Variants in MFSD2A observed in about 807,000 individuals in gnomAD.
MFSD2A encodes the protein sodium-dependent lysophosphatidylcholine symporter 1.
A neutral mutation model predicts 64.7 loss-of-function variants in MFSD2A; 27 were observed. The ratio of observed to expected loss-of-function variants is 0.42; its 90% CI spans 0.31 to 0.58. The LOEUF (loss-of-function observed/expected upper bound fraction) is 0.58. Among genes scored for constraint, MFSD2A ranks in the 20% least tolerant of loss-of-function variants. The pLI is 0.18. For missense variants in MFSD2A, 474 were observed against 679.5 expected, an observed-to-expected ratio of 0.70 and a Z score of 3.36; for synonymous variants, 258 against 273.4, an observed-to-expected ratio of 0.94 and a Z score of 0.55.
rs998523052 is a variant in MFSD2A at position 39,968,069 on chromosome 1, A to G, written c.1208+153A>G. On this transcript the variant is annotated intron_variant, in intron 11 of 13. Transcript: ENST00000372811. This position sits in a 1 kb window ranked among gnomAD's most constrained non-coding sequence, Gnocchi z 4.4. Reference sequence around the variant, plus strand: ...GGAGGTCTGTCCTGTACAGTTGTACAGGTAGTGAGCTTTGCAAGAACACCT... The same window carrying G: ...GGAGGTCTGTCCTGTACAGTTGTACGGGTAGTGAGCTTTGCAAGAACACCT... 1.4e-5 allele frequency: 9 copies of G among 640,192 alleles called. No individual in the cohort carries two copies. The highest frequency in any genetic ancestry group is 2.4e-5 in the Non-Finnish European group (9 of 371,770). 39.7% of individuals were successfully genotyped at this position (640,192 alleles called of 1,614,324 possible). A position where few individuals can be genotyped will look rare whatever the true frequency, so the allele number is the denominator to read the frequency against.
At position 39,968,490 on chromosome 1, in the gene MFSD2A, G is replaced by C. The variant is rs1336214793; in HGVS notation, c.1352+13G>C. 3 of 1,614,154 alleles carry C rather than the reference G, an allele frequency of 1.9e-6. No individual in the cohort carries two copies. In the South Asian group the frequency reaches 3.3e-5, roughly 18 times the overall value. ...CCCTCAGTCTGGAGTGAGTGGGGTG[G>C]GGACCTGGGGCAGGACTGGGCAGGG... On this transcript the variant is annotated intron_variant, in intron 12 of 13. Transcript: ENST00000372811. The surrounding 1 kb of genome is among the most constrained non-coding windows in gnomAD (Gnocchi z 4.4).
At position 39,964,697 on chromosome 1, in the gene MFSD2A, G is replaced by GGTGTGTGTGAATGGGGTGT. The variant is rs1287696086; in HGVS notation, c.354-500_354-482dup. 6.3e-6 allele frequency: 1 copy of GGTGTGTGTGAATGGGGTGT among 158,280 alleles called. No homozygotes were observed. The highest frequency in any genetic ancestry group is 2.4e-5 in the African/African-American group (1 of 41,052). 9.8% of individuals were successfully genotyped at this position (158,280 alleles called of 1,614,324 possible). A position where few individuals can be genotyped will look rare whatever the true frequency, so the allele number is the denominator to read the frequency against. On this transcript the variant is annotated intron_variant, in intron 3 of 13. Coordinates refer to ENST00000372811, the MANE Select transcript of MFSD2A (RefSeq NM_032793.5). This position sits in a 1 kb window ranked among gnomAD's most constrained non-coding sequence, Gnocchi z 4.1. ...TGTGTGAAGTGTGTATGTGAATGGG[G>GGTGTGTGTGAATGGGGTGT]GTGTGTGTGAATGGGGTGTGTGTGT...
rs2124758557 is a variant in MFSD2A, at chr1:39,958,629, C to T, written c.229-72C>T. On this transcript the variant is annotated intron_variant, in intron 2 of 13. Transcript: ENST00000372811. This position sits in a 1 kb window ranked among gnomAD's most constrained non-coding sequence, Gnocchi z 4.7. ...GGCTGAGATAGGGAGGGAGCCTCTG[C>T]TTCTGCCTACCAGTGAGAGTTGAGG... 2 of 1,613,786 alleles carry T rather than the reference C, an allele frequency of 1.2e-6. No individual in the cohort carries two copies. Among genetic ancestry groups the T allele is most frequent in the Non-Finnish European group, 1.7e-6 (2 of 1,179,776 alleles).
Position 39,955,245 on chromosome 1 carries a change from AGAG to A in MFSD2A, c.-44_-42del. 7.4e-7 allele frequency: 1 copy of A among 1,351,326 alleles called. No individual in the cohort carries two copies. Among genetic ancestry groups the A allele is most frequent in the Non-Finnish European group, 9.6e-7 (1 of 1,044,276 alleles). 83.7% of individuals were successfully genotyped at this position (1,351,326 alleles called of 1,614,324 possible). ...TGGGAGGAGCAGCGGCCTGCGGGGCAGAGGAGCATCCCGTCTACCAGGTCCCAA... is the reference window on the plus strand; with the variant it reads ...TGGGAGGAGCAGCGGCCTGCGGGGCAGAGCATCCCGTCTACCAGGTCCCAA... On this transcript the variant is annotated 5_prime_UTR_variant, in exon 1 of 14. Transcript: ENST00000372811. This position sits in a 1 kb window ranked among gnomAD's most constrained non-coding sequence, Gnocchi z 5.9.
Position 39,964,959 on chromosome 1 carries a change from A to T in MFSD2A, c.354-252A>T. 1 of 549,672 alleles carries T rather than the reference A, an allele frequency of 1.8e-6. No individual in the cohort carries two copies. Among genetic ancestry groups the T allele is most frequent in the Non-Finnish European group, 3.3e-6 (1 of 305,860 alleles). The allele number at this position is 549,672 out of a possible 1,614,324, so 34.0% of individuals were successfully genotyped here. On this transcript the variant is annotated intron_variant, in intron 3 of 13. Transcript: ENST00000372811. This position sits in a 1 kb window ranked among gnomAD's most constrained non-coding sequence, Gnocchi z 4.1. ...CATTAGAGGCTGCTGCCTCTGGACT[A>T]GACTCAGGCTCTGACCTCACACTCC...
chr1:39,969,132 G>T (rs1645228703), intron 13 of MFSD2A, among the ~76,000 whole-genome samples: 1 of 152,182 alleles, frequency 6.6e-6, no homozygotes, highest in Non-Finnish European at 1.5e-5. Flanking sequence ...AGCTGAAAGG[G>T]GCGGAGCTGG....
chr1:39,967,581 C>T (rs746740015), intron 9 of MFSD2A, 47 bp from the exon 10 acceptor site: 43 of 1,561,232 alleles, frequency 2.8e-5, no homozygotes, highest in Non-Finnish European at 3.7e-5. Context: ...AGGAGGGGCT[C>T]TGTGGCTCTA....
At position 39,965,995 on chromosome 1, in the gene MFSD2A, C is replaced by A. The variant is rs1321123379; in HGVS notation, c.695C>A (p.Thr232Asn). 2 of 1,614,184 alleles carry A rather than the reference C, an allele frequency of 1.2e-6. No individual in the cohort carries two copies. Among genetic ancestry groups the A allele is most frequent in the Non-Finnish European group, 8.5e-7 (1 of 1,180,030 alleles). Residue 232 changes from threonine to asparagine, a missense_variant, in exon 6 of 14, where the codon ACC becomes AAC. By Grantham distance (65) the Thr-to-Asn change is moderately conservative. Coordinates refer to ENST00000372811, the MANE Select transcript of MFSD2A (RefSeq NM_032793.5). The surrounding 1 kb of genome is among the most constrained non-coding windows in gnomAD (Gnocchi z 5.5). ...CAAAGTGCCAACCATACACATGGCA[C>A]CACCTCACACAGGGAAACGGTGAGG... Reference protein sequence around the residue: ...ASQSANHTHGTTSHRETQKAY... With the variant: ...ASQSANHTHGNTSHRETQKAY...
rs568081462 is a variant in MFSD2A, at chr1:39,955,533, C to T, written c.93+148C>T. The T allele has an allele frequency of 7.5e-5, 66 of 876,950 alleles. No homozygotes were observed. The highest frequency in any genetic ancestry group is 1.1e-4 in the Non-Finnish European group (61 of 547,724). 54.3% of individuals were successfully genotyped at this position (876,950 alleles called of 1,614,324 possible). A position where few individuals can be genotyped will look rare whatever the true frequency, so the allele number is the denominator to read the frequency against. ...CGAGCCAGAGAGGACCTGGGGGTGC[C>T]CTGGGACAGGGGGTGACGGAGAAAA... is the stretch of plus-strand genomic sequence containing the variant. On this transcript the variant is annotated intron_variant, in intron 1 of 13. Transcript: ENST00000372811. This position sits in a 1 kb window ranked among gnomAD's most constrained non-coding sequence, Gnocchi z 5.9.
At chr1:39,957,363 A>G in intron 2 of MFSD2A, 142 bp downstream of exon 2, 1 of 799,030 alleles carries the variant, frequency 1.3e-6, no homozygotes, top group South Asian at 2.0e-5. Context: ...GTCAGTGAGC[A>G]AGAAATGAGA....
Position 39,966,030 on chromosome 1 carries a change from G to A in MFSD2A, c.714+16G>A, listed in dbSNP as rs1302040892. 2 of 1,613,712 alleles carry A rather than the reference G, an allele frequency of 1.2e-6. No homozygotes were observed. The highest frequency in any genetic ancestry group is 1.3e-5 in the African/African-American group (1 of 75,038). On this transcript the variant is annotated intron_variant, in intron 6 of 13. Coordinates refer to ENST00000372811, the MANE Select transcript of MFSD2A (RefSeq NM_032793.5). Reference sequence around the variant, plus strand: ...CAGGGAAACGGTGAGGCCCTGGGCAGGGCAGGGATTTGGGGAGATAAGGAA... The same window carrying A: ...CAGGGAAACGGTGAGGCCCTGGGCAAGGCAGGGATTTGGGGAGATAAGGAA...
chr1:39,961,063 C>T (rs76529120), intron 3 of MFSD2A, among the ~76,000 whole-genome samples: 4,161 of 152,210 alleles, frequency 0.027, 192 homozygotes, highest in African/African-American at 0.095. Context: ...TATTCTCCTG[C>T]CTCTGCCTCC....
Position 39,955,425 on chromosome 1 carries a change from A to ATCTC in MFSD2A, c.93+40_93+41insTCTC. 1 of 1,499,792 alleles carries ATCTC rather than the reference A, an allele frequency of 6.7e-7. No individual in the cohort carries two copies. The highest frequency in any genetic ancestry group is 2.3e-5 in the Admixed American group (1 of 43,602). 92.9% of individuals were successfully genotyped at this position (1,499,792 alleles called of 1,614,324 possible). On this transcript the variant is annotated intron_variant, in intron 1 of 13. Transcript: ENST00000372811. This position sits in a 1 kb window ranked among gnomAD's most constrained non-coding sequence, Gnocchi z 5.9. Reference sequence around the variant, plus strand: ...CCCCGCGTGGAGGGCGAGGGGAGGGAGGAGGCGGAAATGGGGGATCAGGGG... The same window carrying ATCTC: ...CCCCGCGTGGAGGGCGAGGGGAGGGATCTCGGAGGCGGAAATGGGGGATCAGGGG...
chr1:39,968,851 C>T lies in MFSD2A; in HGVS notation c.1529+106C>T. 8.1e-7 allele frequency: 1 copy of T among 1,233,234 alleles called. No homozygotes were observed. 76.4% of individuals were successfully genotyped at this position (1,233,234 alleles called of 1,614,324 possible). ...TCCAGACTCACCCCCCACACATCTT[C>T]TCTGGACAGCTGTAACACTTAAGTA... On this transcript the variant is annotated intron_variant, in intron 13 of 13. Coordinates refer to ENST00000372811, the MANE Select transcript of MFSD2A (RefSeq NM_032793.5). This position sits in a 1 kb window ranked among gnomAD's most constrained non-coding sequence, Gnocchi z 4.4.
chr1:39,965,235 C>T lies in MFSD2A; in HGVS notation c.378C>T (p.Ala126=), dbSNP rs115805986. ...MPWIIFSTPL[A]VIAYFLIWFV... ...GGATCATCTTCTCCACGCCCCTGGC[C>T]GTCATTGCCTACTTCCTCATCTGGT... is the stretch of plus-strand genomic sequence containing the variant. Residue 126 remains alanine (A), a synonymous_variant, in exon 4 of 14, where the codon GCC becomes GCT. Coordinates refer to ENST00000372811, the MANE Select transcript of MFSD2A (RefSeq NM_032793.5). This position sits in a 1 kb window ranked among gnomAD's most constrained non-coding sequence, Gnocchi z 5.5. The T allele has an allele frequency of 5.0e-3, 8,122 of 1,614,168 alleles. 368 individuals are homozygous for T. The South Asian group carries it at 0.078, about 16-fold the overall frequency.
rs542238064 is a variant in MFSD2A at position 39,958,968 on chromosome 1, C to T, written c.353+143C>T. ...AGCCCAAGGGTGTTGAAACCCCATC[C>T]GAGGCATCAGCTACCCTGAGCACGG... On this transcript the variant is annotated intron_variant, in intron 3 of 13. Coordinates refer to ENST00000372811, the MANE Select transcript of MFSD2A (RefSeq NM_032793.5). This position sits in a 1 kb window ranked among gnomAD's most constrained non-coding sequence, Gnocchi z 4.7. The T allele has an allele frequency of 6.8e-5, 67 of 987,052 alleles. 1 individual carries two copies. Among genetic ancestry groups the T allele is most frequent in the African/African-American group, 5.6e-4 (34 of 61,188 alleles). The allele number at this position is 987,052 out of a possible 1,614,324, so 61.1% of individuals were successfully genotyped here.
chr1:39,966,800 C>T lies in MFSD2A; in HGVS notation c.806-11C>T. 6.2e-7 allele frequency: 1 copy of T among 1,614,118 alleles called. No homozygotes were observed. The highest frequency in any genetic ancestry group is 8.5e-7 in the Non-Finnish European group (1 of 1,180,010). ...CTCTGCTCCTTCCTCACTGTCCGCTCTGGCCCCCAGAACCCTATGAAGCCC... is the reference window on the plus strand; with the variant it reads ...CTCTGCTCCTTCCTCACTGTCCGCTTTGGCCCCCAGAACCCTATGAAGCCC... On this transcript the variant is annotated splice_polypyrimidine_tract_variant and intron_variant, in intron 7 of 13. Coordinates refer to ENST00000372811, the MANE Select transcript of MFSD2A (RefSeq NM_032793.5).
At chr1:39,967,015 G>A (rs2124778579) in intron 8 of MFSD2A, 71 bp from the exon 9 acceptor site, 1 of 1,610,928 alleles carries the variant, frequency 6.2e-7, no homozygotes, top group South Asian at 1.1e-5. Flanking sequence ...CTTGGGGGAT[G>A]TCTTGGGGAG....
intron 3 of MFSD2A, among the ~76,000 whole-genome samples, chr1:39,961,345 C>T (rs893986997): frequency 3.1e-5 from 2 of 63,748 alleles, no homozygotes; most frequent in Non-Finnish European, 8.0e-5. Flanking sequence ...CCCCCCCCCC[C>T]GCTTTTTTTG....
Sources: gnomAD v4.1 joint callset for allele counts (sites outside exome capture counted in the v4.1 genomes callset) on GRCh38, gnomAD v4.1.1 for gene constraint, Gnocchi (gnomAD v3.1) non-coding constraint, MANE v1.5 for transcripts, NCBI Gene and HGNC (gene_info 2026-07-23, HGNC 2026-07-21) for gene names.